The following SPSB1 variants were observed in gnomAD, a reference collection of about 807,000 sequenced individuals.
SPSB1 encodes splA/ryanodine receptor domain and SOCS box containing 1, also known as SPRY domain-containing SOCS box protein 1.
In SPSB1, 8 loss-of-function variants were observed where a neutral mutation model predicts 21.2. That is an observed-to-expected ratio of 0.38 (90% confidence interval 0.22 to 0.68). The LOEUF (loss-of-function observed/expected upper bound fraction) is 0.68, where lower values mean the gene tolerates loss of function less well. Ranked by LOEUF, SPSB1 falls within the 30% of genes least tolerant of loss-of-function variation. The pLI is 0.53. For missense variants in SPSB1, 242 were observed against 377.8 expected (o/e 0.64, Z 2.98); for synonymous variants, 169 against 161.7 (o/e 1.05, Z -0.34).
chr1:9,343,815 T>G (rs1640126806), intron 1 of SPSB1, among the ~76,000 whole-genome samples: 1 of 152,142 alleles, frequency 6.6e-6, no homozygotes, highest in South Asian at 2.1e-4. Context: ...AGACAGAGTC[T>G]CGCTCTGTTG....
chr1:9,341,032 G>A (rs1640083035), intron 1 of SPSB1, among the ~76,000 whole-genome samples: 1 of 152,190 alleles, frequency 6.6e-6, no homozygotes, highest in Admixed American at 6.5e-5. Flanking sequence ...TCCTCCTCGG[G>A]CCCTGATTGC....
intron 1 of SPSB1, among the ~76,000 whole-genome samples, chr1:9,328,337 G>C (rs1217022785): frequency 6.6e-6 from 1 of 152,214 alleles, no homozygotes; most frequent in Non-Finnish European, 1.5e-5. Context: ...TTTTCTTCAA[G>C]TTTGGGAACT....
intron 1 of SPSB1, among the ~76,000 whole-genome samples, chr1:9,314,181 A>AC (rs1282597756): frequency 7.3e-5 from 11 of 151,448 alleles, no homozygotes; most frequent in South Asian, 2.1e-4. Flanking sequence ...ATCTCAAAAA[A>AC]AAAAAACAAA....
At chr1:9,308,066 T>C (rs767217127) in intron 1 of SPSB1, among the ~76,000 whole-genome samples, 3 of 152,192 alleles carry the variant, frequency 2.0e-5, no homozygotes, top group Non-Finnish European at 2.9e-5. Context: ...CCCTTCCAAA[T>C]CCTGTTAACC....
intron 1 of SPSB1, among the ~76,000 whole-genome samples, chr1:9,316,047 C>T (rs960932670): frequency 2.0e-5 from 3 of 152,142 alleles, no homozygotes; most frequent in African/African-American, 4.8e-5. Flanking sequence ...GGACCAGGTG[C>T]CCAAGGTCAG....
intron 1 of SPSB1, among the ~76,000 whole-genome samples, chr1:9,303,220 T>C (rs1212980772): frequency 6.6e-6 from 1 of 152,214 alleles, no homozygotes; most frequent in Non-Finnish European, 1.5e-5. Context: ...CCATGCCCTG[T>C]GATTAAGTCA....
intron 1 of SPSB1, among the ~76,000 whole-genome samples, chr1:9,312,104 A>C (rs1639530954): frequency 6.6e-6 from 1 of 151,960 alleles, no homozygotes; most frequent in South Asian, 2.1e-4. Flanking sequence ...CAGCCTCCTG[A>C]GTAGCTGGGA....
At chr1:9,358,138 C>A (rs940072609) in intron 2 of SPSB1, among the ~76,000 whole-genome samples, 3 of 152,190 alleles carry the variant, frequency 2.0e-5, no homozygotes, top group Admixed American at 6.5e-5. Context: ...CCTCCTCCCC[C>A]ACGTCAGCCT....
At chr1:9,330,470 T>C (rs1639895869) in intron 1 of SPSB1, among the ~76,000 whole-genome samples, 1 of 41,656 alleles carries the variant, frequency 2.4e-5, no homozygotes, top group Admixed American at 1.7e-4. Context: ...TGTCTCAAAA[T>C]AATAACAATA....
Position 9,324,927 on chromosome 1 carries a change from G to A in SPSB1, c.-149-30816G>A, listed in dbSNP as rs930130887. Among the ~76,000 whole-genome samples the A allele has an allele frequency of 5.9e-5, 9 of 152,244 alleles. No individual in the cohort carries two copies. Among genetic ancestry groups the A allele is most frequent in the African/African-American group, 2.2e-4 (9 of 41,464 alleles). ...TTGGAAAAGCGAGTGGGGTGGGGGAGCAGGGACACCCGGCCTGGCGGGCTG... is the reference window on the plus strand; with the variant it reads ...TTGGAAAAGCGAGTGGGGTGGGGGAACAGGGACACCCGGCCTGGCGGGCTG... On this transcript the variant is annotated intron_variant, in intron 1 of 2. Coordinates refer to ENST00000328089, the MANE Select transcript of SPSB1 (RefSeq NM_025106.4). This position sits in a 1 kb window ranked among gnomAD's most constrained non-coding sequence, Gnocchi z 4.3.
rs1207823601 is a variant in SPSB1 at position 9,321,168 on chromosome 1, A to T, written c.-150+28097A>T. On this transcript the variant is annotated intron_variant, in intron 1 of 2. Transcript: ENST00000328089. This position sits in a 1 kb window ranked among gnomAD's most constrained non-coding sequence, Gnocchi z 4.8. ...TCCCCCCAAAACACAAAGCTGGAAA[A>T]AGCTCTTAAACCTTCTTAGTTTAGT... is the stretch of plus-strand genomic sequence containing the variant. 6.7e-6 allele frequency among the ~76,000 whole-genome samples: 1 copy of T among 150,300 alleles called. No homozygotes were observed. The highest frequency in any genetic ancestry group is 1.5e-5 in the Non-Finnish European group (1 of 67,600).
At chr1:9,320,413 G>C (rs956726306) in intron 1 of SPSB1, among the ~76,000 whole-genome samples, 1 of 151,958 alleles carries the variant, frequency 6.6e-6, no homozygotes, top group Admixed American at 6.5e-5. Flanking sequence ...CCTGCCCCAC[G>C]TGTGTGCAGA....
At chr1:9,327,906 TG>T (rs1393932771) in intron 1 of SPSB1, among the ~76,000 whole-genome samples, 1 of 152,236 alleles carries the variant, frequency 6.6e-6, no homozygotes, top group Non-Finnish European at 1.5e-5. Context: ...TGCCCAACTC[TG>T]GTCTAGATTT....
rs956170218 is a variant in SPSB1, at chr1:9,369,204, G to A, written c.*1629G>A. 2.4e-5 allele frequency: 3 copies of A among 126,294 alleles called. No individual in the cohort carries two copies. Among genetic ancestry groups the A allele is most frequent in the African/African-American group, 6.3e-5 (2 of 31,800 alleles). The allele number at this position is 126,294 out of a possible 1,614,324, so 7.8% of individuals were successfully genotyped here. Reference sequence around the variant, plus strand: ...TACATTACCCCCTTATTATTTTGACGGTTTTTTTTTTCGGGGCAGGGGACC... The same window carrying A: ...TACATTACCCCCTTATTATTTTGACAGTTTTTTTTTTCGGGGCAGGGGACC... On this transcript the variant is annotated 3_prime_UTR_variant, in exon 3 of 3. Coordinates refer to ENST00000328089, the MANE Select transcript of SPSB1 (RefSeq NM_025106.4).
chr1:9,318,805 C>T (rs603590), intron 1 of SPSB1, among the ~76,000 whole-genome samples: 97,197 of 151,864 alleles, frequency 0.64, 31,786 homozygotes, highest in Middle Eastern at 0.73. Flanking sequence ...GGACTCACTG[C>T]ATATAGTGGG....
In SPSB1 at chr1:9,349,508, G is replaced by A. The variant is rs529905684; in HGVS notation, c.-149-6235G>A. On this transcript the variant is annotated intron_variant, in intron 1 of 2. Transcript: ENST00000328089. ...GAGAGGCTGAGGCCTTGGCGCCAGC[G>A]CCGTAGATGCGTGTCAGATTTGACA... Among the ~76,000 whole-genome samples the A allele has an allele frequency of 1.2e-4, 18 of 152,372 alleles. No homozygotes were observed. In the South Asian group the frequency reaches 1.7e-3, roughly 14 times the overall value.
At chr1:9,316,537 G>T (rs1443250933) in intron 1 of SPSB1, among the ~76,000 whole-genome samples, 3 of 152,106 alleles carry the variant, frequency 2.0e-5, no homozygotes, top group Non-Finnish European at 4.4e-5. Context: ...ATCACGCCTT[G>T]AGGTGCTGGA....
At chr1:9,315,278 A>G (rs974267834) in intron 1 of SPSB1, among the ~76,000 whole-genome samples, 4 of 152,216 alleles carry the variant, frequency 2.6e-5, no homozygotes, top group Non-Finnish European at 4.4e-5. Context: ...AAGACCCCGT[A>G]CTGGCTCCAA....
At chr1:9,330,572 G>A (rs564479251) in intron 1 of SPSB1, among the ~76,000 whole-genome samples, 235 of 152,190 alleles carry the variant, frequency 1.5e-3, no homozygotes, top group African/African-American at 5.2e-3. Flanking sequence ...CTTGTGATCT[G>A]GACACACGTA....
Sources: allele counts gnomAD v4.1 joint callset (sites outside exome capture counted in the v4.1 genomes callset), GRCh38; gene constraint gnomAD v4.1.1; non-coding constraint Gnocchi (gnomAD v3.1); transcripts MANE v1.5; gene names NCBI Gene and HGNC (gene_info 2026-07-23, HGNC 2026-07-21).